Variants in PALLD observed in about 807,000 individuals in gnomAD.
PALLD encodes palladin.
A neutral mutation model predicts 123.5 loss-of-function variants in PALLD; 61 were observed. The ratio of observed to expected loss-of-function variants is 0.49; its 90% CI spans 0.40 to 0.61. The LOEUF is 0.61. Ranked by LOEUF, PALLD falls within the 20% of genes least tolerant of loss-of-function variation. The pLI is 0.00. For missense variants in PALLD, 1,273 were observed against 1,377.0 expected, an observed-to-expected ratio of 0.92 and a Z score of 1.20; for synonymous variants, 465 against 496.4, an observed-to-expected ratio of 0.94 and a Z score of 0.84.
rs962613996 is a variant in PALLD at position 168,928,111 on chromosome 4, T to G, written c.*1931T>G. 1 of 194,478 alleles carries G rather than the reference T, an allele frequency of 5.1e-6. No homozygotes were observed. The highest frequency in any genetic ancestry group is 1.1e-5 in the Non-Finnish European group (1 of 93,030). 12.0% of individuals were successfully genotyped at this position (194,478 alleles called of 1,614,324 possible). A position where few individuals can be genotyped will look rare whatever the true frequency, so the allele number is the denominator to read the frequency against. The stretch of plus-strand genomic sequence containing the variant: ...GGCTTGAGCACCGGGTGGCAGATGT[T>G]CTATGCAGTGTGGTTCAAGTTTCTT... On this transcript the variant is annotated 3_prime_UTR_variant, in exon 22 of 22. Transcript: ENST00000505667.
intron 10 of PALLD, among the ~76,000 whole-genome samples, chr4:168,855,913 A>G (rs1748541305): frequency 2.0e-5 from 3 of 152,206 alleles, no homozygotes; most frequent in African/African-American, 7.2e-5. Flanking sequence ...GGGTATATTC[A>G]TGATGCTAAG....
intron 10 of PALLD, among the ~76,000 whole-genome samples, chr4:168,780,186 A>G (rs73864643): frequency 0.02 from 3,110 of 152,304 alleles, 118 homozygotes; most frequent in African/African-American, 0.071. Context: ...GGCGTGGGCC[A>G]CCGCACCTGG....
chr4:168,514,474 C>A (rs1762818037), intron 2 of PALLD, among the ~76,000 whole-genome samples: 1 of 152,118 alleles, frequency 6.6e-6, no homozygotes, highest in South Asian at 2.1e-4. Flanking sequence ...CAGCAGGGGG[C>A]AGTAAAAAAC....
At chr4:168,706,069 T>C (rs1784201378) in intron 8 of PALLD, among the ~76,000 whole-genome samples, 1 of 152,216 alleles carries the variant, frequency 6.6e-6, no homozygotes, top group Non-Finnish European at 1.5e-5. Context: ...ACTACAGTAT[T>C]GTTAACTGTA....
In PALLD at chr4:168,656,997, C is replaced by T. The variant is rs140757926; in HGVS notation, c.909-11193C>T. Among the ~76,000 whole-genome samples, 14 of 152,240 alleles carry T rather than the reference C, an allele frequency of 9.2e-5. No individual in the cohort carries two copies. In the East Asian group the frequency reaches 1.9e-3, roughly 21 times the overall value. On this transcript the variant is annotated intron_variant, in intron 2 of 21. Transcript: ENST00000505667. Reference sequence around the variant, plus strand: ...GGGATCAATGGGATATAGGGCTTGCCGTATTACTGATGTCTGCCATAAGCT... The same window carrying T: ...GGGATCAATGGGATATAGGGCTTGCTGTATTACTGATGTCTGCCATAAGCT...
At position 168,511,674 on chromosome 4, in the gene PALLD, A is replaced by AT; in HGVS notation, c.174dup (p.Asp59Ter). The AT allele has an allele frequency of 6.2e-7, 1 of 1,614,166 alleles. No homozygotes were observed. The highest frequency in any genetic ancestry group is 8.5e-7 in the Non-Finnish European group (1 of 1,180,024). Reference sequence around the variant, plus strand: ...GCCATAGCCGACTCCGAAACAGAAGATTTTGACTCGGAAAAGGAGATCTCG... The same window carrying AT: ...GCCATAGCCGACTCCGAAACAGAAGATTTTTGACTCGGAAAAGGAGATCTCG... On this transcript the variant is annotated frameshift_variant, in exon 2 of 22. Transcript: ENST00000505667. LOFTEE classifies it high-confidence loss of function.
intron 10 of PALLD, among the ~76,000 whole-genome samples, chr4:168,773,786 AC>A (rs1734774333): frequency 6.6e-6 from 1 of 151,608 alleles, no homozygotes; most frequent in Non-Finnish European, 1.5e-5. Context: ...CTCCCCACCC[AC>A]CTCGCCGCCT....
At chr4:168,669,955 C>T (rs1008687064) in intron 3 of PALLD, among the ~76,000 whole-genome samples, 4 of 152,086 alleles carry the variant, frequency 2.6e-5, no homozygotes, top group Non-Finnish European at 5.9e-5. Flanking sequence ...TGCTCCAGGG[C>T]CCATATTAAC....
intron 2 of PALLD, 133 bp from the exon 3 acceptor site, chr4:168,668,057 C>A: frequency 1.3e-6 from 1 of 741,376 alleles, no homozygotes; most frequent in Non-Finnish European, 2.4e-6. Flanking sequence ...ATTAGTAACA[C>A]TGACATTGTT....
intron 11 of PALLD, among the ~76,000 whole-genome samples, chr4:168,891,586 C>T (rs774680715): frequency 2.6e-5 from 4 of 151,648 alleles, no homozygotes; most frequent in Non-Finnish European, 5.9e-5. Context: ...ATGCAAAAAA[C>T]CTTTCTAAGA....
Position 168,819,424 on chromosome 4 carries a change from G to C in PALLD, c.1965-71498G>C, listed in dbSNP as rs1742409383. Among the ~76,000 whole-genome samples the C allele has an allele frequency of 2.0e-5, 3 of 151,694 alleles. No individual in the cohort carries two copies. The South Asian group carries it at 6.2e-4, about 32-fold the overall frequency. The stretch of plus-strand genomic sequence containing the variant: ...CCAGAGACTGGCAGAGTCAGCCCAG[G>C]ATTAAACACCGTCATCAGCAGCACC... On this transcript the variant is annotated intron_variant, in intron 10 of 21. Coordinates refer to ENST00000505667, the MANE Select transcript of PALLD (RefSeq NM_001166108.2).
intron 10 of PALLD, among the ~76,000 whole-genome samples, chr4:168,728,338 G>A (rs911013864): frequency 6.6e-6 from 1 of 152,090 alleles, no homozygotes; most frequent in African/African-American, 2.4e-5. Context: ...CAATCCATTA[G>A]CATGGATGTT....
rs60262911 is a variant in PALLD, at chr4:168,633,951, A to T, written c.909-34239A>T. ...TAGCTCTTTGAACAGTTTCTTAAAA[A>T]AATAATAATAATAAATAAACAAAAG... On this transcript the variant is annotated intron_variant, in intron 2 of 21. Transcript: ENST00000505667. Among the ~76,000 whole-genome samples the T allele has an allele frequency of 9.6e-3, 1,463 of 152,328 alleles. 17 individuals are homozygous for T. Among genetic ancestry groups the T allele is most frequent in the African/African-American group, 0.033 (1,385 of 41,566 alleles).
intron 10 of PALLD, among the ~76,000 whole-genome samples, chr4:168,854,002 T>C (rs1257868812): frequency 3.9e-5 from 6 of 152,190 alleles, no homozygotes; most frequent in Non-Finnish European, 7.3e-5. Flanking sequence ...AACTAAGCAC[T>C]ATTCTCTTTT....
At chr4:168,821,428 C>T (rs755622764) in intron 10 of PALLD, among the ~76,000 whole-genome samples, 3 of 151,702 alleles carry the variant, frequency 2.0e-5, no homozygotes, top group Admixed American at 1.3e-4. Context: ...ATCATTCATC[C>T]CCTTTGGTAA....
chr4:168,690,985 C>T (rs1025998427), intron 7 of PALLD, among the ~76,000 whole-genome samples: 1 of 152,160 alleles, frequency 6.6e-6, no homozygotes, highest in African/African-American at 2.4e-5. Flanking sequence ...CTCAAATTTG[C>T]ATGAATAATT....
chr4:168,778,281 G>C (rs1269217976), intron 10 of PALLD, among the ~76,000 whole-genome samples: 1 of 152,142 alleles, frequency 6.6e-6, no homozygotes, highest in Non-Finnish European at 1.5e-5. Flanking sequence ...CTTTTGAGCA[G>C]ATATGCATCA....
At chr4:168,542,763 T>TATATATATATATATA (rs58803261) in intron 2 of PALLD, among the ~76,000 whole-genome samples, 1 of 110,066 alleles carries the variant, frequency 9.1e-6, no homozygotes, top group African/African-American at 3.5e-5. Flanking sequence ...TATATATATA[T>TATATATATATATATA]GGAGAGAAAG....
chr4:168,841,117 G>A (rs1432875787), intron 10 of PALLD, among the ~76,000 whole-genome samples: 1 of 152,170 alleles, frequency 6.6e-6, no homozygotes, highest in Non-Finnish European at 1.5e-5. Flanking sequence ...CCAAAGTGCT[G>A]AGATTACAGG....
Sources: allele counts gnomAD v4.1 joint callset (sites outside exome capture counted in the v4.1 genomes callset), GRCh38; gene constraint gnomAD v4.1.1; transcripts MANE v1.5; gene names NCBI Gene and HGNC (gene_info 2026-07-23, HGNC 2026-07-21).